Variants in CADPS observed in about 807,000 individuals in gnomAD.
CADPS encodes calcium dependent secretion activator.
In CADPS, 57 loss-of-function variants were observed where a neutral mutation model predicts 167.3. The observed-to-expected ratio is 0.34, with a 90% CI of 0.28 to 0.42. The LOEUF is 0.42. Among genes scored for constraint, CADPS ranks in the 20% least tolerant of loss-of-function variants. CADPS has a pLI of 1.00. For missense variants in CADPS, 1,414 were observed against 1,738.1 expected (o/e 0.81, Z 3.32); for synonymous variants, 676 against 635.3 (o/e 1.06, Z -0.96).
At chr3:62,799,333 G>A (rs1214397269) in intron 1 of CADPS, among the ~76,000 whole-genome samples, 1 of 152,086 alleles carries the variant, frequency 6.6e-6, no homozygotes, top group Non-Finnish European at 1.5e-5. Context: ...TAGCCTGTTG[G>A]TGTGCTCTAA....
chr3:62,470,111 G>A (rs1458880636), intron 24 of CADPS, among the ~76,000 whole-genome samples: 1 of 152,078 alleles, frequency 6.6e-6, no homozygotes, highest in Non-Finnish European at 1.5e-5. Context: ...CCTTCTATTG[G>A]TACTTCACAA....
intron 1 of CADPS, among the ~76,000 whole-genome samples, chr3:62,799,137 ATGCTTCACAGACTG>A (rs372399874): frequency 8.5e-5 from 13 of 152,154 alleles, no homozygotes; most frequent in African/African-American, 3.1e-4. Context: ...GAGAAGAGTA[ATGCTTCACAGACTG>A]TGCTTCACAG....
intron 18 of CADPS, among the ~76,000 whole-genome samples, chr3:62,496,404 G>A (rs1334553040): frequency 6.6e-6 from 1 of 152,182 alleles, no homozygotes; most frequent in Non-Finnish European, 1.5e-5. Context: ...AGGTGGTAGT[G>A]CCTTTCTGGC....
intron 9 of CADPS, 62 bp downstream of exon 9, chr3:62,570,810 C>T (rs2081149544): frequency 3.7e-6 from 4 of 1,094,216 alleles, no homozygotes; most frequent in Middle Eastern, 4.0e-4. Context: ...AGTTAAAAAG[C>T]ATTCATTCAT....
Position 62,493,645 on chromosome 3 carries a change from T to C in CADPS, c.2727A>G (p.Glu909=). ...HHAEPHVDKG[E]AFAWWSDLMV... The stretch of plus-strand genomic sequence containing the variant: ...TTTCACGAGATTTCACTTTACTTAC[T>C]TCTCCTTTATCAACATGTGGCTGGT... The change falls in exon 19 of 30, where the codon GAA becomes GAG. Residue 909 remains glutamate, a splice_region_variant and synonymous_variant. Coordinates refer to ENST00000383710, the MANE Select transcript of CADPS (RefSeq NM_003716.4). 6.4e-7 allele frequency: 1 copy of C among 1,555,490 alleles called. No homozygotes were observed. The highest frequency in any genetic ancestry group is 8.7e-7 in the Non-Finnish European group (1 of 1,148,210).
rs1385568892 is a variant in CADPS at position 62,412,509 on chromosome 3, G to C, written c.3778-9324C>G. Among the ~76,000 whole-genome samples, 2 of 152,046 alleles carry C rather than the reference G, an allele frequency of 1.3e-5. No individual in the cohort carries two copies. Among genetic ancestry groups the C allele is most frequent in the East Asian group, 3.9e-4 (2 of 5,192 alleles). On this transcript the variant is annotated intron_variant, in intron 28 of 29. Transcript: ENST00000383710. The surrounding 1 kb of genome is among the most constrained non-coding windows in gnomAD (Gnocchi z 4.1). ...AAGGTATAAGGGATTTAACATTTGG[G>C]AGCATTATTTCAACTCCCTTAGGAA... is the stretch of plus-strand genomic sequence containing the variant.
chr3:62,656,045 A>T (rs1267724460), intron 4 of CADPS, among the ~76,000 whole-genome samples: 1 of 152,190 alleles, frequency 6.6e-6, no homozygotes, highest in East Asian at 1.9e-4. Context: ...GTAAGTTTGG[A>T]CAGATTTCTT....
chr3:62,562,401 C>T (rs2079331128), intron 9 of CADPS, among the ~76,000 whole-genome samples: 2 of 152,114 alleles, frequency 1.3e-5, no homozygotes, highest in East Asian at 3.9e-4. Context: ...TCTATGTGAA[C>T]CAAGGCAGTT....
At chr3:62,713,930 G>A (rs1265174103) in intron 3 of CADPS, among the ~76,000 whole-genome samples, 1 of 152,076 alleles carries the variant, frequency 6.6e-6, no homozygotes, top group Non-Finnish European at 1.5e-5. Flanking sequence ...TGCCTTTTCT[G>A]AACCTCATAT....
Position 62,607,581 on chromosome 3 carries a change from G to T in CADPS, c.1326-14833C>A, listed in dbSNP as rs536182964. Among the ~76,000 whole-genome samples the T allele has an allele frequency of 1.6e-4, 25 of 152,354 alleles. No homozygotes were observed. The East Asian group carries it at 1.7e-3, about 11-fold the overall frequency. On this transcript the variant is annotated intron_variant, in intron 6 of 29. Coordinates refer to ENST00000383710, the MANE Select transcript of CADPS (RefSeq NM_003716.4). ...ATTGTGGTGGGTACACAGAAGCAGC[G>T]CTTAGGGGTGCTCAGGGATAGCCAT...
chr3:62,867,656 G>T (rs2081947970), intron 1 of CADPS, among the ~76,000 whole-genome samples: 1 of 151,968 alleles, frequency 6.6e-6, no homozygotes, highest in Admixed American at 6.6e-5. Context: ...GATGATAATA[G>T]CAATAATGAA....
At chr3:62,663,337 T>C (rs1420500317) in intron 3 of CADPS, among the ~76,000 whole-genome samples, 2 of 152,186 alleles carry the variant, frequency 1.3e-5, no homozygotes, top group African/African-American at 4.8e-5. Context: ...TGGCAGGCCA[T>C]AGTTGCTCAT....
intron 6 of CADPS, among the ~76,000 whole-genome samples, chr3:62,621,799 T>C (rs1405076599): frequency 6.6e-6 from 1 of 152,040 alleles, no homozygotes; most frequent in Non-Finnish European, 1.5e-5. Context: ...CTCCGTGAGT[T>C]CCCATCATTT....
intron 28 of CADPS, among the ~76,000 whole-genome samples, chr3:62,410,822 C>A (rs1023739986): frequency 6.6e-6 from 1 of 152,152 alleles, no homozygotes; most frequent in African/African-American, 2.4e-5. Context: ...GAGCAGCAGG[C>A]CAAGCACAGT....
At chr3:62,652,739 A>G (rs948480032) in intron 4 of CADPS, among the ~76,000 whole-genome samples, 14 of 152,284 alleles carry the variant, frequency 9.2e-5, no homozygotes, top group African/African-American at 3.4e-4. Context: ...AAAAGAAAAG[A>G]AAAGAAAGAT....
chr3:62,522,392 G>A (rs977785783), intron 13 of CADPS, among the ~76,000 whole-genome samples: 3 of 152,084 alleles, frequency 2.0e-5, no homozygotes, highest in Non-Finnish European at 2.9e-5. Context: ...TCCCACCTCA[G>A]CCTTGCAAAA....
At chr3:62,528,153 G>A (rs551810857) in intron 13 of CADPS, among the ~76,000 whole-genome samples, 1 of 152,158 alleles carries the variant, frequency 6.6e-6, no homozygotes, top group Admixed American at 6.5e-5. Flanking sequence ...AATATCAAAC[G>A]GCCAGGTTTG....
At chr3:62,560,731 C>T (rs1034135595) in intron 9 of CADPS, among the ~76,000 whole-genome samples, 13 of 152,152 alleles carry the variant, frequency 8.5e-5, no homozygotes, top group African/African-American at 1.2e-4. Context: ...AAATCCTTAG[C>T]TCATTTCCAG....
At chr3:62,818,727 A>G (rs1343613861) in intron 1 of CADPS, among the ~76,000 whole-genome samples, 1 of 152,210 alleles carries the variant, frequency 6.6e-6, no homozygotes, top group Non-Finnish European at 1.5e-5. Flanking sequence ...CGTATATGAG[A>G]ATGAGCATAG....
Sources: gnomAD v4.1 joint callset for allele counts (sites outside exome capture counted in the v4.1 genomes callset) on GRCh38, gnomAD v4.1.1 for gene constraint, Gnocchi (gnomAD v3.1) non-coding constraint, MANE v1.5 for transcripts, NCBI Gene and HGNC (gene_info 2026-07-23, HGNC 2026-07-21) for gene names.